CD55: variants seen among roughly 807,000 people sequenced by gnomAD.
CD55 encodes the protein complement decay-accelerating factor.
Under a neutral mutation model 45.8 loss-of-function variants are expected in CD55, and 41 were observed. The ratio of observed to expected loss-of-function variants is 0.90; its 90% CI spans 0.70 to 1.16. The LOEUF is 1.16. Ranked by LOEUF, CD55 falls within the 50% of genes most tolerant of loss-of-function variation. CD55 has a pLI of 0.00. For synonymous variants in CD55, 181 were observed against 181.1 expected, an observed-to-expected ratio of 1.00 and a Z score of 0.01; for missense variants, 416 against 469.8, an observed-to-expected ratio of 0.89 and a Z score of 1.06.
chr1:207,338,681 C>T (rs1434592134), intron 8 of CD55, among the ~76,000 whole-genome samples: 4 of 152,072 alleles, frequency 2.6e-5, no homozygotes, highest in South Asian at 2.1e-4. Flanking sequence ...TTCCGTTCAC[C>T]TTCTGTTTGA....
Position 207,337,349 on chromosome 1 carries a change from T to C in CD55, c.1000T>C (p.Ser334Pro), listed in dbSNP as rs1655228157. Residue 334 changes from serine to proline, a missense_variant, in exon 8 of 10, where the codon TCC becomes CCC. Ser to Pro is a moderately conservative substitution (Grantham distance 74). Coordinates refer to ENST00000367064, the MANE Select transcript of CD55 (RefSeq NM_000574.5). ...TACAGCAACACGGAGTACACCTGTT[T>C]CCAGGACAACCAAGCATTTTCATGA... is the stretch of plus-strand genomic sequence containing the variant. ...NAQATRSTPV[S>P]RTTKHFHETT... The C allele has an allele frequency of 1.9e-6, 3 of 1,610,428 alleles. No homozygotes were observed. The highest frequency in any genetic ancestry group is 8.5e-7 in the Non-Finnish European group (1 of 1,176,808).
At chr1:207,324,416 A>G (rs184246402) in intron 2 of CD55, 143 bp from the exon 3 acceptor site, 18 of 470,150 alleles carry the variant, frequency 3.8e-5, no homozygotes, top group African/African-American at 2.8e-4. Context: ...TGCAAGTGCC[A>G]TGGTGATATT....
chr1:207,328,757 C>T lies in CD55; in HGVS notation c.664+1920C>T, dbSNP rs563418497. Among the ~76,000 whole-genome samples, 14 of 152,278 alleles carry T rather than the reference C, an allele frequency of 9.2e-5. No individual in the cohort carries two copies. In the South Asian group the frequency reaches 2.7e-3, roughly 29 times the overall value. On this transcript the variant is annotated intron_variant, in intron 5 of 9. Transcript: ENST00000367064. ...TCATCCCTAAATCATTGTGCTTTAC[C>T]TCCTCAATCTGTTTTTCAAACTTGT...
intron 5 of CD55, among the ~76,000 whole-genome samples, chr1:207,329,578 A>T (rs1000329858): frequency 1.3e-5 from 2 of 152,056 alleles, no homozygotes; most frequent in African/African-American, 4.8e-5. Flanking sequence ...TGCCTTATAC[A>T]TGCAAACTGC....
chr1:207,322,187 T>A, intron 1 of CD55, 195 bp from the exon 2 acceptor site: 1 of 715,346 alleles, frequency 1.4e-6, no homozygotes, highest in East Asian at 2.7e-5. Context: ...AAAAAGCTGG[T>A]CTAAAAGGAT....
At chr1:207,339,528 A>G in intron 9 of CD55, 111 bp downstream of exon 9, 1 of 871,778 alleles carries the variant, frequency 1.1e-6, no homozygotes, top group South Asian at 1.7e-5. Context: ...TGTATCCTGC[A>G]ATTTATTTTT....
intron 6 of CD55, among the ~76,000 whole-genome samples, chr1:207,333,285 A>C (rs1333796930): frequency 6.6e-6 from 1 of 152,236 alleles, no homozygotes; most frequent in African/African-American, 2.4e-5. Flanking sequence ...TCTGAAGGAC[A>C]GACCTGGATC....
intron 9 of CD55, among the ~76,000 whole-genome samples, chr1:207,345,628 G>T (rs550337834): frequency 6.6e-6 from 1 of 152,102 alleles, no homozygotes; most frequent in African/African-American, 2.4e-5. Flanking sequence ...TCCTTTGGTG[G>T]TATCATATTT....
chr1:207,325,307 C>T (rs1352364521), intron 3 of CD55, among the ~76,000 whole-genome samples: 1 of 147,186 alleles, frequency 6.8e-6, no homozygotes, highest in Non-Finnish European at 1.5e-5. Flanking sequence ...CGCGCTCCAG[C>T]CTGGGCAACA....
At chr1:207,332,518 C>CA (rs1654994892) in intron 6 of CD55, among the ~76,000 whole-genome samples, 1 of 152,136 alleles carries the variant, frequency 6.6e-6, no homozygotes, top group Non-Finnish European at 1.5e-5. Flanking sequence ...GTGGTGTTTG[C>CA]ACCTTTAATG....
chr1:207,329,580 G>A (rs547407539), intron 5 of CD55, among the ~76,000 whole-genome samples: 3 of 151,960 alleles, frequency 2.0e-5, no homozygotes, highest in Non-Finnish European at 4.4e-5. Flanking sequence ...CCTTATACAT[G>A]CAAACTGCTG....
chr1:207,358,635 A>G (rs1572906394), intron 9 of CD55: 1 of 152,210 alleles, frequency 6.6e-6, no homozygotes, highest in African/African-American at 2.4e-5. Flanking sequence ...TATATGGTTT[A>G]ATAAAATTAC....
chr1:207,330,589 G>A (rs1242764209), intron 5 of CD55, among the ~76,000 whole-genome samples: 1 of 152,122 alleles, frequency 6.6e-6, no homozygotes, highest in African/African-American at 2.4e-5. Context: ...TATCCAAAAT[G>A]ATCTATACTT....
intron 2 of CD55, 142 bp downstream of exon 2, chr1:207,322,709 C>G (rs1369224233): frequency 6.0e-6 from 4 of 663,990 alleles, no homozygotes; most frequent in African/African-American, 3.6e-5. Context: ...ACGTCACACT[C>G]CAGCTAATTG....
chr1:207,331,417 T>G, intron 6 of CD55, 121 bp downstream of exon 6: 1 of 764,680 alleles, frequency 1.3e-6, no homozygotes, highest in South Asian at 1.8e-5. Flanking sequence ...TACATATTTG[T>G]ATTTTTCTGT....
intron 9 of CD55, among the ~76,000 whole-genome samples, chr1:207,345,992 G>A (rs1655619885): frequency 6.6e-6 from 1 of 152,244 alleles, no homozygotes; most frequent in South Asian, 2.1e-4. Flanking sequence ...GGCCCAGGGT[G>A]ATGTTGCTGG....
At position 207,360,238 on chromosome 1, in the gene CD55, C is replaced by T. The variant is rs1263535424; in HGVS notation, c.*628C>T. The T allele has an allele frequency of 1.3e-5, 2 of 152,098 alleles. No homozygotes were observed. The highest frequency in any genetic ancestry group is 2.9e-5 in the Non-Finnish European group (2 of 67,990). The allele number at this position is 152,098 out of a possible 1,614,324, so 9.4% of individuals were successfully genotyped here. A position where few individuals can be genotyped will look rare whatever the true frequency, so the allele number is the denominator to read the frequency against. On this transcript the variant is annotated 3_prime_UTR_variant, in exon 10 of 10. Transcript: ENST00000367064. ...TGCACAAATAGAGTTTGGAAAAAGC[C>T]TGTGAAAGGTGTCTTCTTTGACTTA... is the stretch of plus-strand genomic sequence containing the variant.
intron 5 of CD55, among the ~76,000 whole-genome samples, chr1:207,328,722 T>TCCCC (rs1269760566): frequency 6.6e-6 from 1 of 152,184 alleles, no homozygotes; most frequent in Non-Finnish European, 1.5e-5. Flanking sequence ...TTATCTTAAC[T>TCCCC]CCCCACATCT....
intron 2 of CD55, 24 bp downstream of exon 2, chr1:207,322,591 A>C (rs1294954999): frequency 1.9e-6 from 3 of 1,563,198 alleles, no homozygotes; most frequent in Middle Eastern, 1.7e-4. Flanking sequence ...CTTTTTAGAA[A>C]AGTTCTGGGA....
Sources: gnomAD v4.1 joint callset for allele counts (sites outside exome capture counted in the v4.1 genomes callset) on GRCh38, gnomAD v4.1.1 for gene constraint, MANE v1.5 for transcripts, NCBI Gene and HGNC (gene_info 2026-07-23, HGNC 2026-07-21) for gene names.